Variants in XYLT1 observed in about 807,000 individuals in gnomAD.
The protein encoded by XYLT1 is xylosyltransferase 1.
In XYLT1, 36 loss-of-function variants were observed where a neutral mutation model predicts 91.3. The ratio of observed to expected loss-of-function variants is 0.39; its 90% CI spans 0.30 to 0.52. The LOEUF (loss-of-function observed/expected upper bound fraction) is 0.52, where lower values mean the gene tolerates loss of function less well. Ranked by LOEUF, XYLT1 falls within the 20% of genes least tolerant of loss-of-function variation. The pLI is 0.68. For synonymous variants in XYLT1, 588 were observed against 532.0 expected (o/e 1.11, Z -1.45); for missense variants, 1,242 against 1,284.5 (o/e 0.97, Z 0.51).
At chr16:17,201,854 A>G (rs1398342790) in intron 3 of XYLT1, among the ~76,000 whole-genome samples, 3 of 152,142 alleles carry the variant, frequency 2.0e-5, no homozygotes, top group African/African-American at 7.2e-5. Flanking sequence ...AGGTTGCCTG[A>G]GAAGAAAACT....
intron 1 of XYLT1, among the ~76,000 whole-genome samples, chr16:17,405,408 G>A (rs995011078): frequency 1.3e-5 from 2 of 152,194 alleles, no homozygotes; most frequent in Non-Finnish European, 2.9e-5. Context: ...AAGCCACGAG[G>A]CCGGAGCGGC....
At chr16:17,425,064 G>A (rs1290995063) in intron 1 of XYLT1, among the ~76,000 whole-genome samples, 1 of 152,124 alleles carries the variant, frequency 6.6e-6, no homozygotes, top group Non-Finnish European at 1.5e-5. Flanking sequence ...CCAAGCCTTA[G>A]AAGTTGGAGG....
At chr16:17,118,277 TGAATGAAC>T (rs1401236604) in intron 10 of XYLT1, among the ~76,000 whole-genome samples, 1 of 131,926 alleles carries the variant, frequency 7.6e-6, no homozygotes, top group Non-Finnish European at 1.6e-5. Context: ...AATGAGTGAA[TGAATGAAC>T]GAATGAATGA....
chr16:17,406,094 A>C (rs1232320618), intron 1 of XYLT1, among the ~76,000 whole-genome samples: 1 of 152,188 alleles, frequency 6.6e-6, no homozygotes, highest in African/African-American at 2.4e-5. Flanking sequence ...CTGAGGCAGG[A>C]GAATCGCTTG....
At chr16:17,379,763 T>TCTCTCTCTCTCTCACACA (rs373354877) in intron 1 of XYLT1, among the ~76,000 whole-genome samples, 10 of 125,540 alleles carry the variant, frequency 8.0e-5, no homozygotes, top group African/African-American at 3.2e-4. Flanking sequence ...TCTCTCTCTC[T>TCTCTCTCTCTCTCACACA]CACACACACA....
chr16:17,466,803 G>GT (rs2036903546), intron 1 of XYLT1, among the ~76,000 whole-genome samples: 1 of 151,990 alleles, frequency 6.6e-6, no homozygotes, highest in South Asian at 2.1e-4. Flanking sequence ...AACATTTGCA[G>GT]TAAGATAAAT....
intron 1 of XYLT1, among the ~76,000 whole-genome samples, chr16:17,406,545 A>G (rs1290498194): frequency 6.6e-6 from 1 of 152,234 alleles, no homozygotes; most frequent in Non-Finnish European, 1.5e-5. Context: ...AAATTGGGAA[A>G]GAGAGCGGAG....
intron 1 of XYLT1, among the ~76,000 whole-genome samples, chr16:17,418,049 T>C (rs773533438): frequency 6.6e-6 from 1 of 152,152 alleles, no homozygotes; most frequent in Non-Finnish European, 1.5e-5. Flanking sequence ...GCCCACTCCA[T>C]ATGTGTCAGT....
intron 10 of XYLT1, among the ~76,000 whole-genome samples, chr16:17,123,720 T>C (rs557928106): frequency 6.6e-6 from 1 of 152,298 alleles, no homozygotes; most frequent in Admixed American, 6.5e-5. Context: ...AAGTCCATTG[T>C]TTCTTTATTG....
At chr16:17,367,263 G>A (rs868786963) in intron 1 of XYLT1, among the ~76,000 whole-genome samples, 4 of 152,170 alleles carry the variant, frequency 2.6e-5, no homozygotes, top group African/African-American at 7.2e-5. Flanking sequence ...GACCTGCCAC[G>A]TGCCAAGAAG....
intron 1 of XYLT1, among the ~76,000 whole-genome samples, chr16:17,393,432 A>G (rs1225764506): frequency 1.3e-5 from 2 of 152,048 alleles, no homozygotes; most frequent in African/African-American, 4.8e-5. Context: ...CCATGAAGTA[A>G]TTCTCATCAT....
In XYLT1 at chr16:17,470,694, A is replaced by G; in HGVS notation, c.103T>C (p.Phe35Leu). ...LLLQTLVVWN[F>L]SSLDSGAGER... ...CCGGCCCCGGAGTCGAGGCTGCTGA[A>G]ATTCCACACGACCAGCGTCTGCAGC... The change falls in exon 1 of 12, where the codon TTC (phenylalanine) becomes CTC (leucine). Residue 35 changes from phenylalanine (F) to leucine (L), a missense_variant. Phe to Leu is a conservative substitution (Grantham distance 22). This residue lies in a region of XYLT1 where 437 missense variants were observed against 411.5 expected (regional missense o/e 1.06). Coordinates refer to ENST00000261381, the MANE Select transcript of XYLT1 (RefSeq NM_022166.4). 1.7e-6 allele frequency: 2 copies of G among 1,164,752 alleles called. No homozygotes were observed. The highest frequency in any genetic ancestry group is 1.7e-5 in the South Asian group (1 of 59,008). The allele number at this position is 1,164,752 out of a possible 1,614,324, so 72.2% of individuals were successfully genotyped here.
At chr16:17,226,099 T>G (rs2033061328) in intron 3 of XYLT1, among the ~76,000 whole-genome samples, 1 of 152,156 alleles carries the variant, frequency 6.6e-6, no homozygotes, top group South Asian at 2.1e-4. Flanking sequence ...CTATTATCCT[T>G]GGAGGCTGTT....
At position 17,340,852 on chromosome 16, in the gene XYLT1, A is replaced by C. The variant is rs962941369; in HGVS notation, c.402+17160T>G. ...TCCTCCAAGGAGGCAGACAATCAGA[A>C]CATTAGGACCCAGAATCCTGAAAAA... On this transcript the variant is annotated intron_variant, in intron 2 of 11. Transcript: ENST00000261381. 5.3e-5 allele frequency among the ~76,000 whole-genome samples: 8 copies of C among 152,342 alleles called. No homozygotes were observed. The East Asian group carries it at 1.5e-3, about 29-fold the overall frequency.
At chr16:17,188,474 AC>A (rs1420444818) in intron 5 of XYLT1, among the ~76,000 whole-genome samples, 1 of 151,664 alleles carries the variant, frequency 6.6e-6, no homozygotes, top group East Asian at 1.9e-4. Flanking sequence ...GTCCCAAGCT[AC>A]CCCCTCTTCC....
At chr16:17,344,716 T>C (rs72781519) in intron 2 of XYLT1, among the ~76,000 whole-genome samples, 19,460 of 151,712 alleles carry the variant, frequency 0.13, 1,532 homozygotes, top group African/African-American at 0.2. Flanking sequence ...GATTCTTTTT[T>C]TTTTTTTGAG....
intron 4 of XYLT1, 35 bp downstream of exon 4, chr16:17,200,447 A>C (rs2032517780): frequency 6.3e-7 from 1 of 1,595,126 alleles, no homozygotes; most frequent in Non-Finnish European, 8.6e-7. Flanking sequence ...ACCCCGAAGA[A>C]AGCCCAGCAA....
chr16:17,467,759 C>A (rs1213722062), intron 1 of XYLT1, among the ~76,000 whole-genome samples: 1 of 152,170 alleles, frequency 6.6e-6, no homozygotes, highest in African/African-American at 2.4e-5. Context: ...GCCCTATACA[C>A]AATGCCTGCC....
intron 3 of XYLT1, among the ~76,000 whole-genome samples, chr16:17,248,581 C>T (rs1033147303): frequency 6.6e-6 from 1 of 152,116 alleles, no homozygotes; most frequent in African/African-American, 2.4e-5. Flanking sequence ...AAACTATCAA[C>T]ACCTCTGCCT....
Sources: allele counts gnomAD v4.1 joint callset (sites outside exome capture counted in the v4.1 genomes callset), GRCh38; gene constraint gnomAD v4.1.1; regional missense constraint gnomAD v4.1.1; transcripts MANE v1.5; gene names NCBI Gene and HGNC (gene_info 2026-07-23, HGNC 2026-07-21).